NKAIN3: variants seen among roughly 807,000 people sequenced by gnomAD.
NKAIN3 encodes sodium/potassium transporting ATPase interacting 3.
Under a neutral mutation model 30.2 loss-of-function variants are expected in NKAIN3, and 25 were observed. The observed-to-expected ratio is 0.83, with a 90% CI of 0.60 to 1.16. NKAIN3 has a LOEUF of 1.16. NKAIN3 is among the 50% of genes most tolerant of loss of function. NKAIN3 has a pLI of 0.00. For missense variants in NKAIN3, 225 were observed against 254.1 expected (o/e 0.89, Z 0.78); for synonymous variants, 91 against 89.6 (o/e 1.02, Z -0.09).
chr8:62,822,758 C>T (rs77431977), intron 4 of NKAIN3, among the ~76,000 whole-genome samples: 2,038 of 152,196 alleles, frequency 0.013, 36 homozygotes, highest in African/African-American at 0.043. Context: ...TAAATGCAGT[C>T]GTGCATCACT....
intron 1 of NKAIN3, among the ~76,000 whole-genome samples, chr8:62,332,074 G>T (rs1815376209): frequency 6.6e-6 from 1 of 152,062 alleles, no homozygotes; most frequent in Non-Finnish European, 1.5e-5. Context: ...CAACCTGTCT[G>T]CATGCCAGCT....
At position 62,489,293 on chromosome 8, in the gene NKAIN3, G is replaced by A. The variant is rs1414136446; in HGVS notation, c.55-90246G>A. Among the ~76,000 whole-genome samples, 3 of 152,000 alleles carry A rather than the reference G, an allele frequency of 2.0e-5. No individual in the cohort carries two copies. In the East Asian group the frequency reaches 5.8e-4, roughly 30 times the overall value. On this transcript the variant is annotated intron_variant, in intron 1 of 6. Transcript: ENST00000623646. ...GCCCGCCTCGGCCTCCCAAAGTGCT[G>A]GGATTAGAGGCGTGAGCCACCACGC...
chr8:62,445,231 A>G (rs950795110), intron 1 of NKAIN3, among the ~76,000 whole-genome samples: 3 of 151,624 alleles, frequency 2.0e-5, no homozygotes, highest in African/African-American at 7.3e-5. Flanking sequence ...GGCATGAGCC[A>G]CCACGCCCAA....
intron 1 of NKAIN3, among the ~76,000 whole-genome samples, chr8:62,278,126 C>G (rs530627868): frequency 6.6e-6 from 1 of 152,232 alleles, no homozygotes; most frequent in Non-Finnish European, 1.5e-5. Context: ...GCCACACATG[C>G]CTGGATTGAG....
intron 1 of NKAIN3, among the ~76,000 whole-genome samples, chr8:62,374,940 T>G (rs1817029406): frequency 6.6e-6 from 1 of 152,234 alleles, no homozygotes; most frequent in African/African-American, 2.4e-5. Flanking sequence ...GTGGCAACAT[T>G]TGCACAATTT....
chr8:62,399,420 T>A (rs993483337), intron 1 of NKAIN3, among the ~76,000 whole-genome samples: 3 of 151,900 alleles, frequency 2.0e-5, no homozygotes, highest in African/African-American at 7.3e-5. Context: ...GCAAGAGAGT[T>A]GCTTGAACCT....
At chr8:62,917,832 G>A (rs1478107694) in intron 4 of NKAIN3, among the ~76,000 whole-genome samples, 1 of 152,150 alleles carries the variant, frequency 6.6e-6, no homozygotes, top group Non-Finnish European at 1.5e-5. Context: ...TAAATGCAGA[G>A]GTTAAATTCT....
At chr8:62,803,234 G>A (rs1201040077) in intron 4 of NKAIN3, among the ~76,000 whole-genome samples, 1 of 152,078 alleles carries the variant, frequency 6.6e-6, no homozygotes, top group Non-Finnish European at 1.5e-5. Flanking sequence ...GGATACCCAG[G>A]AATTGAACCC....
chr8:62,598,640 C>A (rs1263285308), intron 3 of NKAIN3, among the ~76,000 whole-genome samples: 1 of 152,012 alleles, frequency 6.6e-6, no homozygotes, highest in African/African-American at 2.4e-5. Flanking sequence ...TCCTTAGACC[C>A]TCCCTCTGTG....
At chr8:62,427,709 T>C (rs1804851028) in intron 1 of NKAIN3, among the ~76,000 whole-genome samples, 1 of 152,104 alleles carries the variant, frequency 6.6e-6, no homozygotes, top group South Asian at 2.1e-4. Context: ...TTTTTAATTT[T>C]TATGCATACA....
chr8:62,905,503 A>T (rs1821748252), intron 4 of NKAIN3, among the ~76,000 whole-genome samples: 3 of 152,206 alleles, frequency 2.0e-5, no homozygotes. Flanking sequence ...CACTGATTTC[A>T]TATTTTTCTC....
chr8:62,615,819 C>T (rs1384806370), intron 3 of NKAIN3, among the ~76,000 whole-genome samples: 8 of 152,140 alleles, frequency 5.3e-5, no homozygotes, highest in Admixed American at 5.2e-4. Context: ...CTGCTCTTAG[C>T]ACCACACTGC....
chr8:62,761,531 C>T (rs919667266), intron 4 of NKAIN3, among the ~76,000 whole-genome samples: 5 of 152,138 alleles, frequency 3.3e-5, no homozygotes, highest in Admixed American at 1.3e-4. Flanking sequence ...GTATCAGAAA[C>T]GATGTTATCT....
At chr8:62,852,578 C>G (rs1436398986) in intron 4 of NKAIN3, among the ~76,000 whole-genome samples, 1 of 151,948 alleles carries the variant, frequency 6.6e-6, no homozygotes, top group Non-Finnish European at 1.5e-5. Context: ...CCTGCTTTCT[C>G]TTGTGGGCAT....
intron 1 of NKAIN3, among the ~76,000 whole-genome samples, chr8:62,387,193 A>G (rs1326462071): frequency 1.3e-5 from 2 of 152,132 alleles, no homozygotes; most frequent in Non-Finnish European, 2.9e-5. Flanking sequence ...TCAGGGAATC[A>G]TCAACCACTG....
intron 1 of NKAIN3, among the ~76,000 whole-genome samples, chr8:62,253,120 G>A (rs1049084578): frequency 9.2e-5 from 14 of 152,144 alleles, no homozygotes; most frequent in Admixed American, 8.5e-4. Flanking sequence ...GACATTCATT[G>A]CACCTTTCAT....
intron 3 of NKAIN3, among the ~76,000 whole-genome samples, chr8:62,699,946 T>G (rs1563521971): frequency 6.6e-6 from 1 of 152,154 alleles, no homozygotes; most frequent in Non-Finnish European, 1.5e-5. Context: ...GGCAATGTAG[T>G]AAGACTCAAT....
At chr8:62,274,175 T>C (rs967529357) in intron 1 of NKAIN3, among the ~76,000 whole-genome samples, 1 of 152,202 alleles carries the variant, frequency 6.6e-6, no homozygotes, top group Non-Finnish European at 1.5e-5. Context: ...AAACTTATTA[T>C]TATTTGTTTT....
intron 4 of NKAIN3, among the ~76,000 whole-genome samples, chr8:62,780,865 T>C (rs536945209): frequency 6.6e-6 from 1 of 152,190 alleles, no homozygotes; most frequent in Non-Finnish European, 1.5e-5. Flanking sequence ...GCTCATCTTC[T>C]AAGAACTGTA....
Sources: gnomAD v4.1 joint callset for allele counts (sites outside exome capture counted in the v4.1 genomes callset) on GRCh38, gnomAD v4.1.1 for gene constraint, MANE v1.5 for transcripts, NCBI Gene and HGNC (gene_info 2026-07-23, HGNC 2026-07-21) for gene names.